The following RAB2A variants were observed in gnomAD, a reference collection of about 807,000 sequenced individuals.
The protein encoded by RAB2A is ras-related protein Rab-2A.
A neutral mutation model predicts 32.5 loss-of-function variants in RAB2A; 7 were observed. The observed-to-expected ratio is 0.22, with a 90% CI of 0.12 to 0.40. The LOEUF (loss-of-function observed/expected upper bound fraction) is 0.40, where lower values mean the gene tolerates loss of function less well. Ranked by LOEUF, RAB2A falls within the 10% of genes least tolerant of loss-of-function variation. The pLI is 1.00. For synonymous variants in RAB2A, 79 were observed against 85.2 expected, an observed-to-expected ratio of 0.93 and a Z score of 0.40; for missense variants, 108 against 260.7, an observed-to-expected ratio of 0.41 and a Z score of 4.03.
chr8:60,540,024 C>CT (rs1276106517), intron 1 of RAB2A, among the ~76,000 whole-genome samples: 3 of 151,560 alleles, frequency 2.0e-5, no homozygotes, highest in Admixed American at 1.3e-4. Context: ...AGTTTGAACT[C>CT]TATTTTGTAG....
At chr8:60,601,160 T>G (rs1804128023) in intron 6 of RAB2A, among the ~76,000 whole-genome samples, 1 of 152,012 alleles carries the variant, frequency 6.6e-6, no homozygotes, top group African/African-American at 2.4e-5. Flanking sequence ...CTATAGAAGC[T>G]TGTTGGTATT....
At chr8:60,565,099 C>T (rs1402469138) in intron 2 of RAB2A, among the ~76,000 whole-genome samples, 3 of 152,170 alleles carry the variant, frequency 2.0e-5, no homozygotes, top group Non-Finnish European at 4.4e-5. Context: ...CACCTTCTTA[C>T]CTATCTCTCC....
At chr8:60,565,676 A>ATTTTTTTTT (rs71252885) in intron 2 of RAB2A, among the ~76,000 whole-genome samples, 1 of 97,672 alleles carries the variant, frequency 1.0e-5, no homozygotes, top group African/African-American at 3.9e-5. Flanking sequence ...TCTGTAGCTG[A>ATTTTTTTTT]TTTTTTTTTT....
Position 60,606,615 on chromosome 8 carries a change from TAGAG to T in RAB2A, c.475-11956_475-11953del, listed in dbSNP as rs373658539. Among the ~76,000 whole-genome samples, 350 of 152,236 alleles carry T rather than the reference TAGAG, an allele frequency of 2.3e-3. 1 individual carries two copies. Among genetic ancestry groups the T allele is most frequent in the African/African-American group, 7.8e-3 (323 of 41,530 alleles). On this transcript the variant is annotated intron_variant, in intron 6 of 7. Coordinates refer to ENST00000262646, the MANE Select transcript of RAB2A (RefSeq NM_002865.3). ...GGAAGAATTTCTCAAGACAGGATCA[TAGAG>T]AGAGAGAGTACTATCATATACTACA... is the stretch of plus-strand genomic sequence containing the variant.
At chr8:60,587,094 G>A (rs1021203137) in intron 5 of RAB2A, among the ~76,000 whole-genome samples, 1 of 152,128 alleles carries the variant, frequency 6.6e-6, no homozygotes, top group African/African-American at 2.4e-5. Context: ...CAATATTGGA[G>A]AGAATTTACT....
chr8:60,520,127 A>T (rs1233491732), intron 1 of RAB2A, among the ~76,000 whole-genome samples: 1 of 152,256 alleles, frequency 6.6e-6, no homozygotes, highest in African/African-American at 2.4e-5. Flanking sequence ...TAAAATGAGG[A>T]TAAATGTGAA....
chr8:60,547,090 T>G (rs1488280000), intron 1 of RAB2A, among the ~76,000 whole-genome samples: 1 of 151,072 alleles, frequency 6.6e-6, no homozygotes, highest in Non-Finnish European at 1.5e-5. Context: ...TAGGGAGTGG[T>G]GATGACTCTT....
At chr8:60,585,129 T>G (rs887810432) in intron 5 of RAB2A, among the ~76,000 whole-genome samples, 3 of 152,234 alleles carry the variant, frequency 2.0e-5, no homozygotes, top group Non-Finnish European at 4.4e-5. Context: ...AACATCTTTG[T>G]GCTGTCAATT....
intron 6 of RAB2A, among the ~76,000 whole-genome samples, chr8:60,598,668 C>G (rs1574760): frequency 6.6e-6 from 1 of 151,914 alleles, no homozygotes; most frequent in African/African-American, 2.4e-5. Context: ...AGAGAAACCA[C>G]GTGATTATAG....
At chr8:60,591,382 G>T (rs1047740933) in intron 5 of RAB2A, among the ~76,000 whole-genome samples, 3 of 149,964 alleles carry the variant, frequency 2.0e-5, no homozygotes, top group African/African-American at 7.3e-5. Context: ...TAAACAAACT[G>T]GGATCAATGA....
intron 2 of RAB2A, chr8:60,570,091 A>G (rs779686925): frequency 2.2e-6 from 1 of 453,456 alleles, no homozygotes; most frequent in South Asian, 1.6e-5. Flanking sequence ...TCTGCTCAAG[A>G]TATCAATTCC....
At chr8:60,607,731 C>A (rs1028534789) in intron 6 of RAB2A, among the ~76,000 whole-genome samples, 3 of 152,170 alleles carry the variant, frequency 2.0e-5, no homozygotes, top group African/African-American at 7.2e-5. Flanking sequence ...TACTGCTGAT[C>A]CAGGGGTCAC....
At chr8:60,535,059 T>G (rs912450567) in intron 1 of RAB2A, among the ~76,000 whole-genome samples, 3 of 152,208 alleles carry the variant, frequency 2.0e-5, no homozygotes, top group African/African-American at 7.2e-5. Context: ...TGAATAAATC[T>G]TATTAAAAAG....
chr8:60,543,701 G>T (rs1398030268), intron 1 of RAB2A, among the ~76,000 whole-genome samples: 1 of 152,196 alleles, frequency 6.6e-6, no homozygotes, highest in African/African-American at 2.4e-5. Flanking sequence ...TCTCTTGGAT[G>T]CAAGGGGATA....
chr8:60,550,196 T>C (rs1563466853), intron 1 of RAB2A, among the ~76,000 whole-genome samples: 2 of 152,198 alleles, frequency 1.3e-5, no homozygotes, highest in African/African-American at 4.8e-5. Context: ...CACTGAACTT[T>C]CTGTTTGATC....
intron 1 of RAB2A, among the ~76,000 whole-genome samples, chr8:60,554,163 C>T (rs1181570921): frequency 3.9e-5 from 6 of 152,312 alleles, no homozygotes; most frequent in Admixed American, 3.3e-4. Context: ...TGCATTTTAG[C>T]AAACATTTTC....
At chr8:60,556,756 T>C (rs549277931) in intron 1 of RAB2A, among the ~76,000 whole-genome samples, 76 of 152,120 alleles carry the variant, frequency 5.0e-4, no homozygotes, top group African/African-American at 1.6e-3. Context: ...ATGAGATTAG[T>C]ATTACTAGAG....
At chr8:60,547,696 C>CG (rs1213388718) in intron 1 of RAB2A, among the ~76,000 whole-genome samples, 3 of 103,500 alleles carry the variant, frequency 2.9e-5, no homozygotes, top group East Asian at 3.6e-4. Flanking sequence ...GCTGGCCGGG[C>CG]GGGGGGGCTG....
chr8:60,544,105 ATTC>A (rs1448219130), intron 1 of RAB2A, among the ~76,000 whole-genome samples: 2 of 146,942 alleles, frequency 1.4e-5, no homozygotes, highest in African/African-American at 5.2e-5. Flanking sequence ...GATATTTTCA[ATTC>A]TTTTTTTTTT....
Sources: allele counts gnomAD v4.1 joint callset (sites outside exome capture counted in the v4.1 genomes callset), GRCh38; gene constraint gnomAD v4.1.1; transcripts MANE v1.5; gene names NCBI Gene and HGNC (gene_info 2026-07-23, HGNC 2026-07-21).